The following USH2A variants were observed in gnomAD, a reference collection of about 807,000 sequenced individuals.
The protein encoded by USH2A is Usher syndrome 2A (autosomal recessive, mild).
A neutral mutation model predicts 538.9 loss-of-function variants in USH2A; 443 were observed. That is an observed-to-expected ratio of 0.82 (90% CI 0.76 to 0.89). The LOEUF (loss-of-function observed/expected upper bound fraction) is 0.89. Ranked by LOEUF, USH2A falls within the 40% of genes least tolerant of loss-of-function variation. The pLI is 0.00. For synonymous variants in USH2A, 2,413 were observed against 2,273.5 expected (o/e 1.06, Z -1.75); for missense variants, 6,633 against 6,324.8 (o/e 1.05, Z -1.65).
chr1:215,997,637 C>G (rs950798660), intron 34 of USH2A, among the ~76,000 whole-genome samples: 2 of 151,986 alleles, frequency 1.3e-5, no homozygotes, highest in African/African-American at 4.8e-5. Context: ...AAAAACGGCC[C>G]TAGGAAGAGA....
At chr1:215,754,442 G>A (rs1287773686) in intron 58 of USH2A, among the ~76,000 whole-genome samples, 1 of 151,908 alleles carries the variant, frequency 6.6e-6, no homozygotes, top group Non-Finnish European at 1.5e-5. Flanking sequence ...CAGTTGCCAA[G>A]TAACCACATA....
At chr1:216,175,521 G>A in intron 20 of USH2A, 39 bp from the exon 21 acceptor site, 1 of 1,601,696 alleles carries the variant, frequency 6.2e-7, no homozygotes, top group Non-Finnish European at 8.5e-7. Flanking sequence ...CAAGAATTTG[G>A]TTTCTGTCTC....
At chr1:215,989,596 C>T (rs754871439) in intron 35 of USH2A, among the ~76,000 whole-genome samples, 2 of 152,024 alleles carry the variant, frequency 1.3e-5, no homozygotes, top group Non-Finnish European at 2.9e-5. Flanking sequence ...GCTCCTGAAG[C>T]GATCTGGGTG....
At chr1:216,289,643 C>T (rs575206666) in intron 10 of USH2A, among the ~76,000 whole-genome samples, 2 of 152,244 alleles carry the variant, frequency 1.3e-5, no homozygotes, top group East Asian at 1.9e-4. Context: ...TAATACCACA[C>T]TTCTAAAAAG....
At chr1:215,716,198 G>T (rs4655424) in intron 61 of USH2A, among the ~76,000 whole-genome samples, 24,145 of 152,032 alleles carry the variant, frequency 0.16, 2,027 homozygotes, top group South Asian at 0.26. Flanking sequence ...GAGTGGAAGG[G>T]GGGCGGGGGG....
chr1:215,965,553 A>G, intron 36 of USH2A, 74 bp from the exon 37 acceptor site: 2 of 1,556,172 alleles, frequency 1.3e-6, no homozygotes, highest in Non-Finnish European at 1.8e-6. Flanking sequence ...ATATTTCTTC[A>G]AAGAATCTCT....
chr1:216,384,424 C>T (rs2038972012), intron 3 of USH2A, among the ~76,000 whole-genome samples: 1 of 151,924 alleles, frequency 6.6e-6, no homozygotes, highest in Non-Finnish European at 1.5e-5. Context: ...TACTATTTTG[C>T]CCATAAAATT....
At chr1:216,154,263 T>A (rs895827349) in intron 21 of USH2A, among the ~76,000 whole-genome samples, 1 of 152,246 alleles carries the variant, frequency 6.6e-6, no homozygotes, top group Non-Finnish European at 1.5e-5. Context: ...ATTCTCATTG[T>A]CAGCATAATT....
chr1:216,149,840 G>A (rs571826365), intron 21 of USH2A, among the ~76,000 whole-genome samples: 5 of 152,058 alleles, frequency 3.3e-5, no homozygotes, highest in African/African-American at 7.2e-5. Context: ...ATAGTACCCC[G>A]ACTGCCGTCC....
intron 61 of USH2A, 152 bp downstream of exon 61, chr1:215,727,878 A>T (rs1010508550): frequency 3.4e-6 from 3 of 883,610 alleles, no homozygotes; most frequent in Non-Finnish European, 5.3e-6. Context: ...TCAGTATCTT[A>T]TCCCCGTGAC....
At chr1:216,141,852 G>T (rs1047096139) in intron 21 of USH2A, among the ~76,000 whole-genome samples, 1 of 151,424 alleles carries the variant, frequency 6.6e-6, no homozygotes, top group Non-Finnish European at 1.5e-5. Context: ...TGTTAACTCA[G>T]TCACCCACCA....
chr1:216,123,197 T>TA (rs2033171636), intron 21 of USH2A, among the ~76,000 whole-genome samples: 1 of 152,216 alleles, frequency 6.6e-6, no homozygotes, highest in African/African-American at 2.4e-5. Flanking sequence ...TTCCTCTGGG[T>TA]AAATAGCACA....
At position 216,086,345 on chromosome 1, in the gene USH2A, C is replaced by A. The variant is rs1224853627; in HGVS notation, c.4987+374G>T. ...ATAGTATTCAGGGAATGTTCTTCAC[C>A]CTATTTAGAGTATAAATCAAGCTCA... On this transcript the variant is annotated intron_variant, in intron 24 of 71. Transcript: ENST00000307340. Among the ~76,000 whole-genome samples, 3 of 151,940 alleles carry A rather than the reference C, an allele frequency of 2.0e-5. No individual in the cohort carries two copies. The East Asian group carries it at 5.8e-4, about 29-fold the overall frequency.
chr1:216,273,286 G>C (rs1197668268), intron 11 of USH2A, among the ~76,000 whole-genome samples: 1 of 152,068 alleles, frequency 6.6e-6, no homozygotes, highest in Non-Finnish European at 1.5e-5. Context: ...GACTGCAAGA[G>C]TTCTGCAGTG....
chr1:215,885,391 T>C (rs1665025394), intron 41 of USH2A, among the ~76,000 whole-genome samples: 1 of 152,186 alleles, frequency 6.6e-6, no homozygotes, highest in Non-Finnish European at 1.5e-5. Flanking sequence ...ATCTTTTATT[T>C]AGAAATTTTG....
intron 63 of USH2A, 50 bp from the exon 64 acceptor site, chr1:215,671,343 A>G (rs952337582): frequency 6.3e-7 from 1 of 1,585,284 alleles, no homozygotes; most frequent in Non-Finnish European, 8.6e-7. Context: ...ATAGATTTTC[A>G]TGGGAAGAAT....
intron 3 of USH2A, among the ~76,000 whole-genome samples, chr1:216,402,226 G>A (rs1332217067): frequency 6.6e-6 from 1 of 152,068 alleles, no homozygotes; most frequent in Non-Finnish European, 1.5e-5. Flanking sequence ...GATTGAAAAT[G>A]ATTCAAATTT....
intron 44 of USH2A, among the ~76,000 whole-genome samples, chr1:215,865,299 G>A (rs1485341841): frequency 6.6e-6 from 1 of 152,184 alleles, no homozygotes; most frequent in Non-Finnish European, 1.5e-5. Context: ...GGAAATAACA[G>A]CAGATTGCAT....
intron 37 of USH2A, among the ~76,000 whole-genome samples, chr1:215,935,328 TG>T (rs1032372834): frequency 2.0e-4 from 31 of 152,034 alleles, no homozygotes; most frequent in African/African-American, 7.5e-4. Context: ...GCTTGAAATG[TG>T]GGTGGATTTC....
Sources: allele counts gnomAD v4.1 joint callset (sites outside exome capture counted in the v4.1 genomes callset), GRCh38; gene constraint gnomAD v4.1.1; transcripts MANE v1.5; gene names NCBI Gene and HGNC (gene_info 2026-07-23, HGNC 2026-07-21).